The following DYM variants were observed in gnomAD, a reference collection of about 807,000 sequenced individuals.
The protein encoded by DYM is dymeclin.
DYM carries 78 observed loss-of-function variants against 93.1 expected under a neutral mutation model. The observed-to-expected ratio is 0.84, with a 90% CI of 0.70 to 1.01. The LOEUF (loss-of-function observed/expected upper bound fraction) is 1.01. DYM is among the 50% of genes least tolerant of loss of function. DYM has a pLI of 0.00. For synonymous variants in DYM, 321 were observed against 319.7 expected, an observed-to-expected ratio of 1.00 and a Z score of -0.04; for missense variants, 789 against 845.0, an observed-to-expected ratio of 0.93 and a Z score of 0.82.
intron 6 of DYM, among the ~76,000 whole-genome samples, chr18:49,354,517 A>C (rs1449110289): frequency 6.6e-6 from 1 of 152,102 alleles, no homozygotes; most frequent in Non-Finnish European, 1.5e-5. Context: ...ACAGGCTGGG[A>C]GAAAACACTT....
chr18:49,289,776 CAT>C (rs368783117), intron 8 of DYM, among the ~76,000 whole-genome samples: 51 of 85,518 alleles, frequency 6.0e-4, no homozygotes, highest in East Asian at 3.6e-3. Context: ...TATATATACA[CAT>C]ATATATATAT....
At chr18:49,083,268 T>C (rs1479659062) in intron 17 of DYM, among the ~76,000 whole-genome samples, 1 of 152,224 alleles carries the variant, frequency 6.6e-6, no homozygotes, top group Admixed American at 6.5e-5. Context: ...AAAATGATCA[T>C]GTGGTTTGTC....
At chr18:49,084,596 G>A (rs910242690) in intron 17 of DYM, among the ~76,000 whole-genome samples, 3 of 152,026 alleles carry the variant, frequency 2.0e-5, no homozygotes, top group African/African-American at 7.2e-5. Context: ...GTTCTGTCAA[G>A]TTTTGTTTCA....
At chr18:49,192,917 G>C (rs1439634961) in intron 14 of DYM, among the ~76,000 whole-genome samples, 1 of 152,146 alleles carries the variant, frequency 6.6e-6, no homozygotes, top group Non-Finnish European at 1.5e-5. Flanking sequence ...CGGGGAAAAG[G>C]AGATTACAGT....
At chr18:49,391,512 C>A (rs2069249778) in intron 3 of DYM, 81 bp downstream of exon 3, 1 of 1,338,122 alleles carries the variant, frequency 7.5e-7, no homozygotes, top group Non-Finnish European at 1.1e-6. Flanking sequence ...GTAATTACTT[C>A]ATTAATTCAG....
intron 11 of DYM, among the ~76,000 whole-genome samples, chr18:49,264,076 A>G (rs1598983854): frequency 6.8e-6 from 1 of 147,612 alleles, no homozygotes; most frequent in Non-Finnish European, 1.5e-5. Context: ...AGAGGCAGCC[A>G]CTATCCTGAA....
At chr18:49,460,152 CA>C in intron 1 of DYM, among the ~76,000 whole-genome samples, 1 of 152,358 alleles carries the variant, frequency 6.6e-6, no homozygotes, top group African/African-American at 2.4e-5. Context: ...TCTCCGGAAG[CA>C]CCGACTTGGC....
chr18:49,238,810 ACACT>A (rs913712107), intron 13 of DYM, among the ~76,000 whole-genome samples: 5 of 151,766 alleles, frequency 3.3e-5, no homozygotes, highest in African/African-American at 1.2e-4. Flanking sequence ...AAAAAAAGAA[ACACT>A]CCTCCAGCCA....
At chr18:49,379,974 G>A (rs2147706505) in intron 3 of DYM, among the ~76,000 whole-genome samples, 1 of 152,174 alleles carries the variant, frequency 6.6e-6, no homozygotes, top group Non-Finnish European at 1.5e-5. Context: ...AAATGAAAAT[G>A]ATAGAAACAG....
chr18:49,255,890 C>G (rs1476342939), intron 13 of DYM, among the ~76,000 whole-genome samples: 3 of 151,504 alleles, frequency 2.0e-5, no homozygotes, highest in African/African-American at 7.3e-5. Context: ...AAAGTCATGT[C>G]TTTACAGGGT....
chr18:49,107,709 T>A (rs576704845), intron 16 of DYM, among the ~76,000 whole-genome samples: 1 of 152,328 alleles, frequency 6.6e-6, no homozygotes, highest in South Asian at 2.1e-4. Context: ...CAGCGGAGGC[T>A]ACAGAACAGC....
intron 8 of DYM, among the ~76,000 whole-genome samples, chr18:49,311,129 G>A (rs2058950785): frequency 6.6e-6 from 1 of 152,194 alleles, no homozygotes; most frequent in African/African-American, 2.4e-5. Flanking sequence ...AGACAGCACA[G>A]GTCTAAGCAG....
At chr18:49,266,803 A>G (rs945199451) in intron 11 of DYM, among the ~76,000 whole-genome samples, 5 of 152,232 alleles carry the variant, frequency 3.3e-5, no homozygotes, top group Admixed American at 2.0e-4. Flanking sequence ...TCTTAAAAAT[A>G]ATTACTGTTA....
intron 5 of DYM, among the ~76,000 whole-genome samples, chr18:49,375,353 CTA>C (rs1412069645): frequency 6.6e-6 from 1 of 151,728 alleles, no homozygotes; most frequent in Non-Finnish European, 1.5e-5. Context: ...TTATAGGAAA[CTA>C]TTCTTAATAA....
intron 14 of DYM, among the ~76,000 whole-genome samples, chr18:49,194,043 G>A (rs909146036): frequency 7.9e-5 from 12 of 152,280 alleles, no homozygotes; most frequent in African/African-American, 2.2e-4. Flanking sequence ...GCATCATGAC[G>A]TGCCAGGGCA....
chr18:49,167,220 C>T (rs1195280262), intron 14 of DYM, among the ~76,000 whole-genome samples: 1 of 152,044 alleles, frequency 6.6e-6, no homozygotes, highest in African/African-American at 2.4e-5. Flanking sequence ...AGAGTATGAA[C>T]ACTCTGTTTT....
intron 17 of DYM, among the ~76,000 whole-genome samples, chr18:49,084,590 T>C (rs540867476): frequency 6.6e-6 from 1 of 152,238 alleles, no homozygotes; most frequent in Non-Finnish European, 1.5e-5. Flanking sequence ...TTTTCAGTTC[T>C]GTCAAGTTTT....
At chr18:49,378,422 A>G in intron 5 of DYM, 145 bp downstream of exon 5, 1 of 807,264 alleles carries the variant, frequency 1.2e-6, no homozygotes, top group South Asian at 1.9e-5. Context: ...TAACACAGAA[A>G]AAGAAAAAAT....
intron 13 of DYM, among the ~76,000 whole-genome samples, chr18:49,237,149 A>G (rs1219068743): frequency 6.6e-6 from 1 of 152,124 alleles, no homozygotes; most frequent in Non-Finnish European, 1.5e-5. Context: ...AAGGTTAGGT[A>G]ACTTCCCAAG....
Sources: allele counts gnomAD v4.1 joint callset (sites outside exome capture counted in the v4.1 genomes callset), GRCh38; gene constraint gnomAD v4.1.1; transcripts MANE v1.5; gene names NCBI Gene and HGNC (gene_info 2026-07-23, HGNC 2026-07-21).